The following CDH18 variants were observed in gnomAD, a reference collection of about 807,000 sequenced individuals.
The protein encoded by CDH18 is cadherin 18, also known as cadherin-18.
A neutral mutation model predicts 67.9 loss-of-function variants in CDH18; 31 were observed. The ratio of observed to expected loss-of-function variants is 0.46; its 90% CI spans 0.34 to 0.62. CDH18 has a LOEUF of 0.62. CDH18 is among the 20% of genes least tolerant of loss of function. The probability of loss-of-function intolerance (pLI) is 0.01; values close to 1 mark genes in which losing one functional copy is unlikely to be tolerated. For synonymous variants in CDH18, 362 were observed against 347.2 expected (o/e 1.04, Z -0.48); for missense variants, 890 against 975.5 (o/e 0.91, Z 1.17).
intron 2 of CDH18, among the ~76,000 whole-genome samples, chr5:20,033,890 A>G (rs1325311499): frequency 6.6e-6 from 1 of 152,068 alleles, no homozygotes; most frequent in Non-Finnish European, 1.5e-5. Flanking sequence ...TATTCCAGTG[A>G]AAATATAAAT....
chr5:20,275,265 TAGTG>T (rs1218965553), intron 1 of CDH18, among the ~76,000 whole-genome samples: 2 of 152,098 alleles, frequency 1.3e-5, no homozygotes, highest in Non-Finnish European at 2.9e-5. Context: ...GTTCTTGTGA[TAGTG>T]AGTGAGTTCT....
chr5:20,291,632 G>C (rs1040429406), intron 1 of CDH18, among the ~76,000 whole-genome samples: 1 of 152,142 alleles, frequency 6.6e-6, no homozygotes, highest in Admixed American at 6.6e-5. Context: ...TAACCAACAT[G>C]AGATGTGTTT....
intron 2 of CDH18, among the ~76,000 whole-genome samples, chr5:20,120,550 T>C (rs1158793555): frequency 6.6e-6 from 1 of 152,142 alleles, no homozygotes; most frequent in African/African-American, 2.4e-5. Context: ...CAAAACAAAA[T>C]AGAGAAAGGG....
intron 2 of CDH18, among the ~76,000 whole-genome samples, chr5:19,872,313 C>T (rs1232705142): frequency 6.6e-6 from 1 of 152,116 alleles, no homozygotes; most frequent in Non-Finnish European, 1.5e-5. Context: ...TCTCCTTCCT[C>T]TAAGGGCAGA....
chr5:19,648,831 G>GTT (rs370321094), intron 5 of CDH18, among the ~76,000 whole-genome samples: 1 of 146,498 alleles, frequency 6.8e-6, no homozygotes, highest in Non-Finnish European at 1.5e-5. Context: ...ATATGGAGAG[G>GTT]TTTTTTTTTT....
At chr5:20,143,663 C>A (rs1463181226) in intron 2 of CDH18, among the ~76,000 whole-genome samples, 1 of 152,150 alleles carries the variant, frequency 6.6e-6, no homozygotes, top group Non-Finnish European at 1.5e-5. Context: ...ACCACTGCAT[C>A]TGGCCTAGAT....
At chr5:19,926,512 A>C (rs1023347177) in intron 2 of CDH18, among the ~76,000 whole-genome samples, 5 of 152,160 alleles carry the variant, frequency 3.3e-5, no homozygotes, top group African/African-American at 1.2e-4. Context: ...AAAGTGAAAC[A>C]AAACAAAAGG....
At chr5:20,284,279 A>C (rs1291484569) in intron 1 of CDH18, among the ~76,000 whole-genome samples, 1 of 152,070 alleles carries the variant, frequency 6.6e-6, no homozygotes, top group Non-Finnish European at 1.5e-5. Context: ...GAAAGGATAC[A>C]AACTTGAGGT....
At chr5:20,033,199 C>CT (rs756999723) in intron 2 of CDH18, among the ~76,000 whole-genome samples, 50 of 151,092 alleles carry the variant, frequency 3.3e-4, no homozygotes, top group Middle Eastern at 3.4e-3. Context: ...TGGTATCTTC[C>CT]TTTTTAAAAA....
At chr5:19,944,134 C>T (rs1795083154) in intron 2 of CDH18, among the ~76,000 whole-genome samples, 1 of 152,082 alleles carries the variant, frequency 6.6e-6, no homozygotes, top group Admixed American at 6.6e-5. Context: ...TATATTTCTT[C>T]TAATCTCCAG....
At chr5:20,439,437 G>C (rs1222670877) in intron 1 of CDH18, among the ~76,000 whole-genome samples, 2 of 145,564 alleles carry the variant, frequency 1.4e-5, no homozygotes, top group Non-Finnish European at 3.0e-5. Context: ...ACAGGACTTA[G>C]ATACACAAGA....
At chr5:20,242,453 T>C (rs1435736049) in intron 2 of CDH18, among the ~76,000 whole-genome samples, 2 of 151,244 alleles carry the variant, frequency 1.3e-5, no homozygotes, top group Non-Finnish European at 2.9e-5. Context: ...ATTGCACATA[T>C]CAATGAGATC....
intron 1 of CDH18, among the ~76,000 whole-genome samples, chr5:20,500,742 C>A (rs749668109): frequency 1.3e-5 from 2 of 152,096 alleles, no homozygotes; most frequent in Admixed American, 1.3e-4. Flanking sequence ...CAAATGTGTC[C>A]AAATATTTGT....
intron 6 of CDH18, among the ~76,000 whole-genome samples, chr5:19,592,614 G>C: frequency 6.6e-6 from 1 of 151,974 alleles, no homozygotes; most frequent in Non-Finnish European, 1.5e-5. Context: ...TTAGTGATAT[G>C]ATACTGAAAA....
At position 19,760,777 on chromosome 5, in the gene CDH18, G is replaced by A. The variant is rs115933517; in HGVS notation, c.229-13541C>T. Among the ~76,000 whole-genome samples the A allele has an allele frequency of 8.9e-3, 1,356 of 152,260 alleles. 20 individuals carry two copies. Among genetic ancestry groups the A allele is most frequent in the African/African-American group, 0.031 (1,267 of 41,534 alleles). ...GACTTTAGTTATAGATTTAGAAGCAGAGATGATGGGGGTGGCTCCTGAGGA... is the reference window on the plus strand; with the variant it reads ...GACTTTAGTTATAGATTTAGAAGCAAAGATGATGGGGGTGGCTCCTGAGGA... On this transcript the variant is annotated intron_variant, in intron 3 of 12. Transcript: ENST00000382275.
intron 2 of CDH18, among the ~76,000 whole-genome samples, chr5:19,995,254 C>T (rs537782074): frequency 2.2e-4 from 34 of 152,110 alleles, no homozygotes; most frequent in Middle Eastern, 3.4e-3. Flanking sequence ...ATATAATAAA[C>T]CATCACGCCT....
At chr5:20,424,795 A>G (rs1748161554) in intron 1 of CDH18, among the ~76,000 whole-genome samples, 1 of 147,550 alleles carries the variant, frequency 6.8e-6, no homozygotes, top group Non-Finnish European at 1.5e-5. Flanking sequence ...AGATGGAGGA[A>G]AACATGGTTT....
At chr5:20,127,886 G>A (rs1458981972) in intron 2 of CDH18, among the ~76,000 whole-genome samples, 1 of 152,112 alleles carries the variant, frequency 6.6e-6, no homozygotes, top group Non-Finnish European at 1.5e-5. Context: ...AAGAGAATTT[G>A]TGTTATTATT....
intron 7 of CDH18, among the ~76,000 whole-genome samples, chr5:19,587,516 C>T (rs1259441722): frequency 6.6e-6 from 1 of 152,050 alleles, no homozygotes; most frequent in Non-Finnish European, 1.5e-5. Flanking sequence ...TATGGTTAGC[C>T]AGTTGTCCCA....
Sources: gnomAD v4.1 joint callset for allele counts (sites outside exome capture counted in the v4.1 genomes callset) on GRCh38, gnomAD v4.1.1 for gene constraint, MANE v1.5 for transcripts, NCBI Gene and HGNC (gene_info 2026-07-23, HGNC 2026-07-21) for gene names.